PSMA1: variants seen among roughly 807,000 people sequenced by gnomAD.
PSMA1 encodes the protein proteasome 20S subunit alpha 1, also known as proteasome subunit alpha type-1.
PSMA1 carries 3 observed loss-of-function variants against 38.4 expected under a neutral mutation model. That is an observed-to-expected ratio of 0.08 (90% CI 0.04 to 0.20). The LOEUF (loss-of-function observed/expected upper bound fraction) is 0.20, where lower values mean the gene tolerates loss of function less well. Among genes scored for constraint, PSMA1 ranks in the 10% least tolerant of loss-of-function variants. The probability of loss-of-function intolerance (pLI) is 1.00; values close to 1 mark genes in which losing one functional copy is unlikely to be tolerated. For synonymous variants in PSMA1, 101 were observed against 107.1 expected, an observed-to-expected ratio of 0.94 and a Z score of 0.35; for missense variants, 227 against 325.3, an observed-to-expected ratio of 0.70 and a Z score of 2.32.
intron 2 of PSMA1, among the ~76,000 whole-genome samples, chr11:14,568,127 T>A (rs1852094397): frequency 6.6e-6 from 1 of 152,218 alleles, no homozygotes; most frequent in African/African-American, 2.4e-5. Context: ...TCAGATTTTA[T>A]AGAATATTAA....
At chr11:14,589,395 G>GTGTGTATATATATA (rs201008485) in intron 2 of PSMA1, among the ~76,000 whole-genome samples, 1 of 150,338 alleles carries the variant, frequency 6.7e-6, no homozygotes. Flanking sequence ...ATATATATGT[G>GTGTGTATATATATA]TGTGTATATA....
intron 2 of PSMA1, among the ~76,000 whole-genome samples, chr11:14,570,726 G>T (rs1434914825): frequency 6.6e-6 from 1 of 152,214 alleles, no homozygotes; most frequent in Non-Finnish European, 1.5e-5. Flanking sequence ...ATCTACATCT[G>T]ATTGGTGTAC....
chr11:14,513,719 C>T lies in PSMA1; in HGVS notation c.415-20G>A, dbSNP rs2134146029. 1 of 1,561,354 alleles carries T rather than the reference C, an allele frequency of 6.4e-7. No individual in the cohort carries two copies. The highest frequency in any genetic ancestry group is 1.2e-5 in the South Asian group (1 of 81,448). On this transcript the variant is annotated intron_variant, in intron 6 of 9. Coordinates refer to ENST00000396394, the MANE Select transcript of PSMA1 (RefSeq NM_002786.4). ...CATATCCTACAAATAGAAATAAATACACCACATAATTATTTACTTTGGTTG... is the reference window on the plus strand; with the variant it reads ...CATATCCTACAAATAGAAATAAATATACCACATAATTATTTACTTTGGTTG...
chr11:14,571,966 A>G (rs1254037480), intron 2 of PSMA1, among the ~76,000 whole-genome samples: 1 of 152,252 alleles, frequency 6.6e-6, no homozygotes, highest in Admixed American at 6.5e-5. Context: ...AGAGCTAACT[A>G]TCCTAAATAT....
intron 2 of PSMA1, among the ~76,000 whole-genome samples, chr11:14,599,045 T>A (rs945266946): frequency 9.9e-5 from 15 of 152,116 alleles, no homozygotes; most frequent in Non-Finnish European, 8.8e-5. Flanking sequence ...TTCTTTTCTT[T>A]AAGAATGTTG....
At chr11:14,543,473 A>G (rs1851793872) in intron 2 of PSMA1, among the ~76,000 whole-genome samples, 1 of 152,142 alleles carries the variant, frequency 6.6e-6, no homozygotes, top group South Asian at 2.1e-4. Context: ...TGGTTTTAGT[A>G]TATTTACAGA....
chr11:14,549,794 A>G (rs984857304), intron 2 of PSMA1, among the ~76,000 whole-genome samples: 1 of 152,094 alleles, frequency 6.6e-6, no homozygotes, highest in African/African-American at 2.4e-5. Flanking sequence ...CTCTTGGTCA[A>G]ATGAGTGTCA....
At chr11:14,513,990 T>G in intron 5 of PSMA1, 103 bp from the exon 6 acceptor site, 1 of 1,383,878 alleles carries the variant, frequency 7.2e-7, no homozygotes, top group South Asian at 1.9e-5. Context: ...CTTTAATTGT[T>G]GCATAATCCA....
chr11:14,574,189 G>C (rs1178783304), intron 2 of PSMA1, among the ~76,000 whole-genome samples: 1 of 152,208 alleles, frequency 6.6e-6, no homozygotes, highest in Non-Finnish European at 1.5e-5. Flanking sequence ...GGAAGTACTA[G>C]TAGCCAAGAC....
chr11:14,559,242 G>A (rs939765281), intron 2 of PSMA1, among the ~76,000 whole-genome samples: 14 of 152,120 alleles, frequency 9.2e-5, no homozygotes, highest in Non-Finnish European at 1.5e-5. Context: ...ACGAATACAA[G>A]GATTTGCTGT....
At position 14,510,946 on chromosome 11, in the gene PSMA1, A is replaced by T. The variant is rs761012482; in HGVS notation, c.550T>A (p.Leu184Ile). ...RHMSEFMECNLNELVKHGLRA... is the reference protein window; with the variant it reads ...RHMSEFMECNINELVKHGLRA... ...AGACCATGTTTAACTAGTTCATTTA[A>T]ATTACCTATATGTAATAAATTAACA... Residue 184 changes from leucine to isoleucine, a missense_variant, in exon 8 of 10, where the codon TTA becomes ATA. Physicochemically the swap from Leu to Ile is conservative, Grantham distance 5 (BLOSUM62 2). Transcript: ENST00000396394. 6.3e-7 allele frequency: 1 copy of T among 1,581,238 alleles called. No individual in the cohort carries two copies. Among genetic ancestry groups the T allele is most frequent in the Non-Finnish European group, 8.6e-7 (1 of 1,156,752 alleles).
chr11:14,539,172 A>G (rs1331951413), intron 2 of PSMA1, among the ~76,000 whole-genome samples: 2 of 152,216 alleles, frequency 1.3e-5, no homozygotes, highest in Non-Finnish European at 2.9e-5. Context: ...CCTTTTCTAC[A>G]CAGAGAGATA....
At chr11:14,627,491 G>A (rs1565062210) in intron 1 of PSMA1, among the ~76,000 whole-genome samples, 1 of 152,148 alleles carries the variant, frequency 6.6e-6, no homozygotes, top group Non-Finnish European at 1.5e-5. Flanking sequence ...AACAATTACT[G>A]TTATAACGGA....
exon 2 of PSMA1, chr11:14,610,967 T>G: frequency 6.2e-7 from 1 of 1,613,068 alleles, no homozygotes; most frequent in South Asian, 1.1e-5. Context: ...TATTCTCACC[T>G]TCACCTTGCT....
At chr11:14,521,125 T>A (rs970787455), upstream of PSMA1, among the ~76,000 whole-genome samples, 1 of 29,668 alleles carries the variant, frequency 3.4e-5, no homozygotes, top group Admixed American at 3.6e-4. Context: ...CATCTTTCCA[T>A]AACGAAATAG....
upstream of PSMA1, among the ~76,000 whole-genome samples, chr11:14,521,468 C>T (rs76823941): frequency 0.011 from 1,623 of 147,118 alleles, 31 homozygotes; most frequent in African/African-American, 0.037. Flanking sequence ...CTCCAGCCCG[C>T]CTGGGCAATA....
At chr11:14,587,958 T>A (rs994017575) in intron 2 of PSMA1, among the ~76,000 whole-genome samples, 3 of 152,246 alleles carry the variant, frequency 2.0e-5, no homozygotes, top group Non-Finnish European at 4.4e-5. Context: ...ATCAGCAACT[T>A]ATTGAGCATC....
intron 2 of PSMA1, among the ~76,000 whole-genome samples, chr11:14,525,702 G>C (rs1851578376): frequency 1.3e-5 from 2 of 152,094 alleles, no homozygotes; most frequent in African/African-American, 4.8e-5. Flanking sequence ...TTCGGTTCTT[G>C]ATCTTAAAGA....
intron 1 of PSMA1, among the ~76,000 whole-genome samples, chr11:14,641,511 C>T (rs574585096): frequency 7.9e-5 from 12 of 152,256 alleles, no homozygotes; most frequent in Middle Eastern, 3.4e-3. Flanking sequence ...TCTTTGGTCA[C>T]GTCCTTACAC....
Sources: gnomAD v4.1 joint callset for allele counts (sites outside exome capture counted in the v4.1 genomes callset) on GRCh38, gnomAD v4.1.1 for gene constraint, MANE v1.5 for transcripts, NCBI Gene and HGNC (gene_info 2026-07-23, HGNC 2026-07-21) for gene names.